Variants in DAP observed in about 807,000 individuals in gnomAD.
The protein encoded by DAP is death associated protein.
Under a neutral mutation model 13.8 loss-of-function variants are expected in DAP, and 8 were observed. The ratio of observed to expected loss-of-function variants is 0.58; its 90% CI spans 0.34 to 1.05. The LOEUF is 1.05. Ranked by LOEUF, DAP falls within the 50% of genes least tolerant of loss-of-function variation. The pLI is 0.03. For missense variants in DAP, 106 were observed against 133.2 expected (o/e 0.80, Z 1.01); for synonymous variants, 47 against 47.5 (o/e 0.99, Z 0.04).
intron 1 of DAP, among the ~76,000 whole-genome samples, chr5:10,753,555 T>A (rs1740098724): frequency 6.6e-6 from 1 of 152,234 alleles, no homozygotes; most frequent in Admixed American, 6.5e-5. Flanking sequence ...AATGACTATG[T>A]GGGACCCTGG....
intron 2 of DAP, among the ~76,000 whole-genome samples, chr5:10,689,256 C>T (rs1489223233): frequency 6.6e-6 from 1 of 152,050 alleles, no homozygotes; most frequent in Non-Finnish European, 1.5e-5. Context: ...TTTCCTAAAC[C>T]CACATTTAGC....
At chr5:10,681,220 TGTGG>T in intron 3 of DAP, 51 bp from the exon 4 acceptor site, 1 of 1,411,392 alleles carries the variant, frequency 7.1e-7, no homozygotes, top group East Asian at 2.5e-5. Flanking sequence ...GCATGGGGTT[TGTGG>T]GTGAGGAAGC....
chr5:10,750,558 G>A (rs534003765), intron 1 of DAP, among the ~76,000 whole-genome samples: 1 of 152,168 alleles, frequency 6.6e-6, no homozygotes, highest in Non-Finnish European at 1.5e-5. Flanking sequence ...TCAAAAATCT[G>A]CTCTATATCC....
chr5:10,740,624 A>C (rs1739730815), intron 2 of DAP, among the ~76,000 whole-genome samples: 1 of 152,258 alleles, frequency 6.6e-6, no homozygotes, highest in African/African-American at 2.4e-5. Context: ...GCCAGAAAAA[A>C]ATGGAATGCC....
At chr5:10,750,347 A>G (rs991759862) in intron 1 of DAP, among the ~76,000 whole-genome samples, 24 of 152,098 alleles carry the variant, frequency 1.6e-4, no homozygotes, top group African/African-American at 5.6e-4. Context: ...GACTGGAGGG[A>G]GATGGTGACG....
chr5:10,739,737 T>C (rs1739708497), intron 2 of DAP, among the ~76,000 whole-genome samples: 1 of 151,744 alleles, frequency 6.6e-6, no homozygotes, highest in Admixed American at 6.6e-5. Context: ...GAATCTAACT[T>C]AAGCAGCAAT....
rs1320895484 is a variant in DAP, at chr5:10,679,244, G to C, written c.*1812C>G. 6.6e-6 allele frequency: 1 copy of C among 152,306 alleles called. No individual in the cohort carries two copies. The highest frequency in any genetic ancestry group is 1.5e-5 in the Non-Finnish European group (1 of 68,040). The allele number at this position is 152,306 out of a possible 1,614,324, so 9.4% of individuals were successfully genotyped here. On this transcript the variant is annotated 3_prime_UTR_variant, in exon 4 of 4. Transcript: ENST00000230895. ...AAAAACAAAGCTGGAGAGAAATGCAGGAGCTTTATTATAAATCATTTAATA... is the reference window on the plus strand; with the variant it reads ...AAAAACAAAGCTGGAGAGAAATGCACGAGCTTTATTATAAATCATTTAATA...
chr5:10,747,561 T>G (rs1388809999), intron 2 of DAP, among the ~76,000 whole-genome samples: 1 of 152,228 alleles, frequency 6.6e-6, no homozygotes, highest in East Asian at 1.9e-4. Context: ...GGTCCACCCC[T>G]GAGGTTCAAC....
rs541999343 is a variant in DAP, at chr5:10,689,260, A to G, written c.153-5689T>C. 2.6e-5 allele frequency among the ~76,000 whole-genome samples: 4 copies of G among 151,946 alleles called. No individual in the cohort carries two copies. In the South Asian group the frequency reaches 8.3e-4, roughly 32 times the overall value. Reference sequence around the variant, plus strand: ...ACGCTCTTTCCTTTCCTAAACCCACATTTAGCACCTCACTCCCATGTGAGC... The same window carrying G: ...ACGCTCTTTCCTTTCCTAAACCCACGTTTAGCACCTCACTCCCATGTGAGC... On this transcript the variant is annotated intron_variant, in intron 2 of 3. Coordinates refer to ENST00000230895, the MANE Select transcript of DAP (RefSeq NM_004394.3).
chr5:10,708,303 CAT>C (rs202224433), intron 2 of DAP, among the ~76,000 whole-genome samples: 3,644 of 152,134 alleles, frequency 0.024, 112 homozygotes, highest in African/African-American at 0.076. Flanking sequence ...CACACACACA[CAT>C]AGAGACACAC....
intron 2 of DAP, among the ~76,000 whole-genome samples, chr5:10,700,502 G>A (rs1055499111): frequency 2.0e-5 from 3 of 152,220 alleles, no homozygotes; most frequent in Non-Finnish European, 4.4e-5. Context: ...TGGGAGAAGG[G>A]AAGGAAATTT....
chr5:10,680,784 T>C lies in DAP; in HGVS notation c.*272A>G. 2 of 1,536,656 alleles carry C rather than the reference T, an allele frequency of 1.3e-6. No homozygotes were observed. Among genetic ancestry groups the C allele is most frequent in the African/African-American group, 1.4e-5 (1 of 73,152 alleles). On this transcript the variant is annotated 3_prime_UTR_variant, in exon 4 of 4. Transcript: ENST00000230895. ...TGCTGAAATAGAACTAAAGCTAAAATTTTTCTCGGATCTTGGCAAATTCTG... is the reference window on the plus strand; with the variant it reads ...TGCTGAAATAGAACTAAAGCTAAAACTTTTCTCGGATCTTGGCAAATTCTG...
At chr5:10,756,675 T>C (rs1283356005) in intron 1 of DAP, among the ~76,000 whole-genome samples, 1 of 152,212 alleles carries the variant, frequency 6.6e-6, no homozygotes, top group Non-Finnish European at 1.5e-5. Flanking sequence ...TACTGACACA[T>C]GGTTTTGGCT....
chr5:10,689,854 C>G (rs1738258941), intron 2 of DAP, among the ~76,000 whole-genome samples: 1 of 152,108 alleles, frequency 6.6e-6, no homozygotes, highest in African/African-American at 2.4e-5. Flanking sequence ...AGGGCTGACT[C>G]CGAGCTGAGG....
chr5:10,718,108 T>C (rs115947122), intron 2 of DAP, among the ~76,000 whole-genome samples: 3,282 of 152,276 alleles, frequency 0.022, 92 homozygotes, highest in African/African-American at 0.071. Context: ...CTCTGGCTTT[T>C]TACCAGAGTA....
At position 10,722,515 on chromosome 5, in the gene DAP, C is replaced by CATATACATGCATATATATACAT. The variant is rs1561022309; in HGVS notation, c.152+25659_152+25660insATGTATATATATGCATGTATAT. ...ATATATATACACATACATATGCATA[C>CATATACATGCATATATATACAT]ATATACATATACATGCATATATATA... On this transcript the variant is annotated intron_variant, in intron 2 of 3. Transcript: ENST00000230895. Among the ~76,000 whole-genome samples, 29 of 101,794 alleles carry CATATACATGCATATATATACAT rather than the reference C, an allele frequency of 2.8e-4. No homozygotes were observed. The East Asian group carries it at 5.8e-3, about 20-fold the overall frequency. The allele number at this position is 101,794 out of a possible 152,430, so 66.8% of individuals were successfully genotyped here. A position where few individuals can be genotyped will look rare whatever the true frequency, so the allele number is the denominator to read the frequency against.
Position 10,713,660 on chromosome 5 carries a change from C to T in DAP, c.153-30089G>A, listed in dbSNP as rs748723495. ...CAAGTCTCCTGCCCCAAGCCCTGTG[C>T]ACTCCGTCCACTAGAGGCTGAGGTA... On this transcript the variant is annotated intron_variant, in intron 2 of 3. Transcript: ENST00000230895. Among the ~76,000 whole-genome samples, 3 of 152,252 alleles carry T rather than the reference C, an allele frequency of 2.0e-5. No individual in the cohort carries two copies. In the East Asian group the frequency reaches 5.8e-4, roughly 29 times the overall value.
chr5:10,738,582 C>A (rs1367625234), intron 2 of DAP, among the ~76,000 whole-genome samples: 1 of 152,168 alleles, frequency 6.6e-6, no homozygotes, highest in Admixed American at 6.5e-5. Flanking sequence ...AATAAATGAC[C>A]TATACTCTTC....
At chr5:10,751,051 C>T (rs905045495) in intron 1 of DAP, among the ~76,000 whole-genome samples, 1 of 152,246 alleles carries the variant, frequency 6.6e-6, no homozygotes, top group Non-Finnish European at 1.5e-5. Flanking sequence ...CAGCCTGACA[C>T]AGTCCGGCTT....
Sources: gnomAD v4.1 joint callset for allele counts (sites outside exome capture counted in the v4.1 genomes callset) on GRCh38, gnomAD v4.1.1 for gene constraint, MANE v1.5 for transcripts, NCBI Gene and HGNC (gene_info 2026-07-23, HGNC 2026-07-21) for gene names.